Variants in STOX2 observed in about 807,000 individuals in gnomAD.
The protein encoded by STOX2 is storkhead box 2, also known as storkhead-box protein 2.
A neutral mutation model predicts 60.9 loss-of-function variants in STOX2; 28 were observed. That is an observed-to-expected ratio of 0.46 (90% CI 0.34 to 0.63). The LOEUF is 0.63. Among genes scored for constraint, STOX2 ranks in the 30% least tolerant of loss-of-function variants. STOX2 has a pLI of 0.01. For synonymous variants in STOX2, 472 were observed against 463.9 expected (o/e 1.02, Z -0.22); for missense variants, 1,024 against 1,187.7 (o/e 0.86, Z 2.03).
chr4:183,859,302 C>T (rs1048682238), intron 1 of STOX2, among the ~76,000 whole-genome samples: 6 of 152,294 alleles, frequency 3.9e-5, no homozygotes, highest in South Asian at 2.1e-4. Context: ...CAGCTCCTAC[C>T]GCAGTAGGGC....
intron 1 of STOX2, among the ~76,000 whole-genome samples, chr4:183,932,018 G>A (rs1246407064): frequency 6.6e-6 from 1 of 152,178 alleles, no homozygotes; most frequent in Non-Finnish European, 1.5e-5. Flanking sequence ...ACAGCGTGGA[G>A]CAGGTGATGA....
At chr4:184,005,207 C>A (rs982880911) in intron 2 of STOX2, among the ~76,000 whole-genome samples, 2 of 152,148 alleles carry the variant, frequency 1.3e-5, no homozygotes, top group African/African-American at 4.8e-5. Flanking sequence ...CACCTATAAT[C>A]CCAGCAATTT....
At chr4:183,951,177 T>A (rs185596898) in intron 1 of STOX2, among the ~76,000 whole-genome samples, 5,758 of 145,936 alleles carry the variant, frequency 0.039, 400 homozygotes, top group African/African-American at 0.14. Context: ...ATCGCGCCAC[T>A]GCACTCCAGC....
intron 1 of STOX2, among the ~76,000 whole-genome samples, chr4:183,857,180 C>T (rs867713127): frequency 1.3e-5 from 2 of 151,920 alleles, no homozygotes; most frequent in South Asian, 2.1e-4. Flanking sequence ...CTGGTCATCC[C>T]ACAGGACTGG....
chr4:183,881,479 C>T (rs901134350), intron 1 of STOX2, among the ~76,000 whole-genome samples: 7 of 151,932 alleles, frequency 4.6e-5, no homozygotes, highest in Non-Finnish European at 8.8e-5. Flanking sequence ...TTCAGCCTGG[C>T]GACAATGCAA....
intron 1 of STOX2, among the ~76,000 whole-genome samples, chr4:183,945,868 T>C (rs1246465070): frequency 5.9e-5 from 9 of 152,220 alleles, no homozygotes; most frequent in Admixed American, 5.9e-4. Context: ...GTAGCCATCG[T>C]ATCCTCCTTT....
At chr4:183,892,162 G>T (rs1371350536) in intron 1 of STOX2, among the ~76,000 whole-genome samples, 1 of 152,230 alleles carries the variant, frequency 6.6e-6, no homozygotes, top group African/African-American at 2.4e-5. Context: ...CAAGAGAACT[G>T]TGTCCCTCCG....
At chr4:183,857,284 C>CCAT (rs1560848966) in intron 1 of STOX2, among the ~76,000 whole-genome samples, 2,489 of 104,360 alleles carry the variant, frequency 0.024, 13 homozygotes, top group East Asian at 0.038. Flanking sequence ...GGTCATCTTG[C>CCAT]AGGACTGGTC....
intron 2 of STOX2, among the ~76,000 whole-genome samples, chr4:184,002,605 T>G (rs906288648): frequency 6.6e-6 from 1 of 152,178 alleles, no homozygotes; most frequent in African/African-American, 2.4e-5. Flanking sequence ...GGAGATCTCC[T>G]TCACTTGCGG....
chr4:183,849,225 G>A (rs145500469), intron 1 of STOX2, among the ~76,000 whole-genome samples: 1 of 152,300 alleles, frequency 6.6e-6, no homozygotes, highest in Admixed American at 6.5e-5. Flanking sequence ...GTTATTTAGG[G>A]TTGGAGGCAG....
At chr4:183,973,201 C>T (rs558214639) in intron 1 of STOX2, among the ~76,000 whole-genome samples, 8 of 152,246 alleles carry the variant, frequency 5.3e-5, no homozygotes, top group South Asian at 2.1e-4. Flanking sequence ...TGGTCAAAGA[C>T]GTAAGCTTTT....
At chr4:183,978,920 G>A (rs1056285533) in intron 1 of STOX2, among the ~76,000 whole-genome samples, 1 of 152,074 alleles carries the variant, frequency 6.6e-6, no homozygotes, top group African/African-American at 2.4e-5. Flanking sequence ...TACAGAATCT[G>A]TACATCAAAA....
At chr4:183,986,881 C>T (rs1353840236) in intron 1 of STOX2, among the ~76,000 whole-genome samples, 9 of 152,044 alleles carry the variant, frequency 5.9e-5, no homozygotes, top group African/African-American at 2.2e-4. Context: ...GGGAGACCCA[C>T]GTGGGGACCC....
At chr4:183,921,029 T>C (rs1452670731) in intron 1 of STOX2, among the ~76,000 whole-genome samples, 1 of 152,256 alleles carries the variant, frequency 6.6e-6, no homozygotes, top group Non-Finnish European at 1.5e-5. Context: ...TCTTGACTTT[T>C]TTAGTTATGA....
At chr4:183,831,024 T>A (rs1030545192) in intron 1 of STOX2, among the ~76,000 whole-genome samples, 1 of 151,628 alleles carries the variant, frequency 6.6e-6, no homozygotes, top group Non-Finnish European at 1.5e-5. Flanking sequence ...TCTGGGTTAG[T>A]CCTCGGCGGA....
intron 1 of STOX2, among the ~76,000 whole-genome samples, chr4:183,991,965 C>A (rs1249372070): frequency 2.0e-5 from 3 of 152,284 alleles, no homozygotes; most frequent in Non-Finnish European, 4.4e-5. Flanking sequence ...GACTACAAAG[C>A]CCATGGCTTT....
At chr4:183,996,120 T>G (rs1733333878) in intron 1 of STOX2, among the ~76,000 whole-genome samples, 1 of 152,248 alleles carries the variant, frequency 6.6e-6, no homozygotes, top group South Asian at 2.1e-4. Flanking sequence ...TAAAAATCTA[T>G]GGAATGCTTC....
chr4:183,965,691 C>T (rs1055040855), intron 1 of STOX2, among the ~76,000 whole-genome samples: 2 of 151,964 alleles, frequency 1.3e-5, no homozygotes, highest in Non-Finnish European at 1.5e-5. Context: ...GAAGCTCATT[C>T]GGGCACTTAT....
At chr4:183,972,886 G>A (rs749898206) in intron 1 of STOX2, among the ~76,000 whole-genome samples, 1 of 152,096 alleles carries the variant, frequency 6.6e-6, no homozygotes, top group Non-Finnish European at 1.5e-5. Context: ...CCAGAAGTGT[G>A]GGAATAGATT....
Sources: gnomAD v4.1 joint callset for allele counts (sites outside exome capture counted in the v4.1 genomes callset) on GRCh38, gnomAD v4.1.1 for gene constraint, MANE v1.5 for transcripts, NCBI Gene and HGNC (gene_info 2026-07-23, HGNC 2026-07-21) for gene names.